The following CHSY3 variants were observed in gnomAD, a reference collection of about 807,000 sequenced individuals.
The protein encoded by CHSY3 is N-acetylgalactosaminyl-proteoglycan 3-beta-glucuronosyltransferase 3.
CHSY3 carries 35 observed loss-of-function variants against 67.2 expected under a neutral mutation model. The ratio of observed to expected loss-of-function variants is 0.52; its 90% confidence interval spans 0.40 to 0.69. The LOEUF (loss-of-function observed/expected upper bound fraction) is 0.69. Among genes scored for constraint, CHSY3 ranks in the 30% least tolerant of loss-of-function variants. CHSY3 has a pLI of 0.00. For missense variants in CHSY3, 1,069 were observed against 1,138.5 expected, an observed-to-expected ratio of 0.94 and a Z score of 0.88; for synonymous variants, 474 against 434.7, an observed-to-expected ratio of 1.09 and a Z score of -1.12.
chr5:130,030,918 A>G (rs1370882576), intron 2 of CHSY3, among the ~76,000 whole-genome samples: 3 of 152,086 alleles, frequency 2.0e-5, no homozygotes, highest in African/African-American at 4.8e-5. Flanking sequence ...ATAATGAATG[A>G]AAGTTTTTGC....
intron 2 of CHSY3, chr5:130,140,978 A>T: frequency 1.5e-6 from 1 of 674,492 alleles, no homozygotes; most frequent in Non-Finnish European, 1.9e-6. Context: ...CTCCGTAGAG[A>T]AGGCCCTTGG....
chr5:129,965,139 T>C (rs1762435359), intron 2 of CHSY3, among the ~76,000 whole-genome samples: 1 of 151,916 alleles, frequency 6.6e-6, no homozygotes, highest in Non-Finnish European at 1.5e-5. Flanking sequence ...GCAAAGAGGT[T>C]AGATGGTGTG....
chr5:129,936,049 T>C (rs1761477591), intron 2 of CHSY3, among the ~76,000 whole-genome samples: 1 of 152,210 alleles, frequency 6.6e-6, no homozygotes, highest in Admixed American at 6.5e-5. Context: ...TGGTAATCTA[T>C]ATTTATAGTG....
intron 2 of CHSY3, among the ~76,000 whole-genome samples, chr5:130,143,818 A>ATATGTGTG (rs1561557391): frequency 4.3e-5 from 5 of 116,724 alleles, no homozygotes; most frequent in African/African-American, 1.7e-4. Context: ...GTGTATATAT[A>ATATGTGTG]TATATATATA....
At chr5:129,958,259 C>T (rs1367928290) in intron 2 of CHSY3, among the ~76,000 whole-genome samples, 1 of 152,038 alleles carries the variant, frequency 6.6e-6, no homozygotes, top group Non-Finnish European at 1.5e-5. Flanking sequence ...GTTTTCATCT[C>T]ATATTTGAGT....
intron 2 of CHSY3, among the ~76,000 whole-genome samples, chr5:130,016,689 G>T (rs556823505): frequency 6.6e-6 from 1 of 152,222 alleles, no homozygotes; most frequent in Non-Finnish European, 1.5e-5. Context: ...GATCACAGGC[G>T]TGAGCCACCG....
intron 2 of CHSY3, among the ~76,000 whole-genome samples, chr5:129,960,657 G>T (rs902178535): frequency 1.3e-5 from 2 of 151,602 alleles, no homozygotes; most frequent in African/African-American, 2.4e-5. Flanking sequence ...CTGATAATTT[G>T]GTAAATATGA....
chr5:130,173,200 C>T (rs1383422803), intron 2 of CHSY3, among the ~76,000 whole-genome samples: 1 of 151,912 alleles, frequency 6.6e-6, no homozygotes, highest in African/African-American at 2.4e-5. Flanking sequence ...TTCAACACTG[C>T]TACTAATACA....
chr5:130,163,165 A>G (rs965520388), intron 2 of CHSY3, among the ~76,000 whole-genome samples: 1 of 152,202 alleles, frequency 6.6e-6, no homozygotes, highest in African/African-American at 2.4e-5. Context: ...ATCATTCTTA[A>G]AAAAAGTTAA....
chr5:129,998,253 C>T (rs952373766), intron 2 of CHSY3, among the ~76,000 whole-genome samples: 34 of 152,188 alleles, frequency 2.2e-4, no homozygotes, highest in Admixed American at 6.6e-4. Flanking sequence ...AATAACACTT[C>T]GGTTATTTTT....
At chr5:130,053,908 A>C (rs895261137) in intron 2 of CHSY3, among the ~76,000 whole-genome samples, 5 of 152,182 alleles carry the variant, frequency 3.3e-5, no homozygotes, top group African/African-American at 1.2e-4. Flanking sequence ...ATTCATCATG[A>C]GATATCAAGA....
At chr5:130,147,771 T>A (rs1769113686) in intron 2 of CHSY3, among the ~76,000 whole-genome samples, 1 of 152,098 alleles carries the variant, frequency 6.6e-6, no homozygotes, top group Non-Finnish European at 1.5e-5. Flanking sequence ...AGTAGGGGAA[T>A]GAGAGCGAGT....
intron 2 of CHSY3, among the ~76,000 whole-genome samples, chr5:130,008,526 A>C (rs1763950285): frequency 6.6e-6 from 1 of 152,248 alleles, no homozygotes; most frequent in African/African-American, 2.4e-5. Context: ...ACAGATGGAA[A>C]AGAACTAGCA....
chr5:130,037,630 G>C (rs1457253637), intron 2 of CHSY3, among the ~76,000 whole-genome samples: 1 of 152,004 alleles, frequency 6.6e-6, no homozygotes, highest in African/African-American at 2.4e-5. Context: ...ATGAGATGGA[G>C]AGGTGACTTT....
At position 130,020,453 on chromosome 5, in the gene CHSY3, ATATATATATT is replaced by A. The variant is rs1399227949; in HGVS notation, c.1086+112095_1086+112104del. ...TATATATATATATATATATATATAT[ATATATATATT>A]TTTTTTTTTTTTTTTTCCTCTGGCT... On this transcript the variant is annotated intron_variant, in intron 2 of 2. Coordinates refer to ENST00000305031, the MANE Select transcript of CHSY3 (RefSeq NM_175856.5). 8.8e-3 allele frequency among the ~76,000 whole-genome samples: 69 copies of A among 7,858 alleles called. 1 individual carries two copies. Among genetic ancestry groups the A allele is most frequent in the African/African-American group, 0.032 (67 of 2,110 alleles). 5.2% of individuals were successfully genotyped at this position (7,858 alleles called of 152,430 possible). A position where few individuals can be genotyped will look rare whatever the true frequency, so the allele number is the denominator to read the frequency against.
chr5:130,098,788 A>G lies in CHSY3; in HGVS notation c.1087-85441A>G, dbSNP rs367607423. ...TCTTGACCAAAGGGAATCATTAAGAATCATTAAGATATTCAGAAATTATGA... is the reference window on the plus strand; with the variant it reads ...TCTTGACCAAAGGGAATCATTAAGAGTCATTAAGATATTCAGAAATTATGA... On this transcript the variant is annotated intron_variant, in intron 2 of 2. Coordinates refer to ENST00000305031, the MANE Select transcript of CHSY3 (RefSeq NM_175856.5). Among the ~76,000 whole-genome samples, 5 of 152,252 alleles carry G rather than the reference A, an allele frequency of 3.3e-5. No individual in the cohort carries two copies. The South Asian group carries it at 6.2e-4, about 19-fold the overall frequency.
chr5:129,993,726 G>C (rs887265754), intron 2 of CHSY3, among the ~76,000 whole-genome samples: 12 of 152,072 alleles, frequency 7.9e-5, no homozygotes, highest in South Asian at 4.1e-4. Context: ...AGTTAATATT[G>C]TTATGTGTGA....
chr5:129,932,725 A>G (rs1761356808), intron 2 of CHSY3, among the ~76,000 whole-genome samples: 1 of 152,088 alleles, frequency 6.6e-6, no homozygotes, highest in Admixed American at 6.6e-5. Context: ...GAGTTAAAAT[A>G]TTGACTAATA....
chr5:129,988,814 T>C (rs916281980), intron 2 of CHSY3, among the ~76,000 whole-genome samples: 6 of 152,198 alleles, frequency 3.9e-5, no homozygotes, highest in African/African-American at 1.4e-4. Flanking sequence ...TTCTAAAATG[T>C]GATTTTTCTA....
Sources: allele counts gnomAD v4.1 joint callset (sites outside exome capture counted in the v4.1 genomes callset), GRCh38; gene constraint gnomAD v4.1.1; transcripts MANE v1.5; gene names NCBI Gene and HGNC (gene_info 2026-07-23, HGNC 2026-07-21).